RPS6KC1: variants seen among roughly 807,000 people sequenced by gnomAD.
The protein encoded by RPS6KC1 is ribosomal protein S6 kinase C1.
RPS6KC1 carries 54 observed loss-of-function variants against 103.8 expected under a neutral mutation model. The ratio of observed to expected loss-of-function variants is 0.52; its 90% CI spans 0.42 to 0.65. RPS6KC1 has a LOEUF of 0.65. Ranked by LOEUF, RPS6KC1 falls within the 30% of genes least tolerant of loss-of-function variation. RPS6KC1 has a pLI of 0.00. For synonymous variants in RPS6KC1, 439 were observed against 438.7 expected (o/e 1.00, Z -0.01); for missense variants, 1,151 against 1,253.8 (o/e 0.92, Z 1.24).
At chr1:213,826,183 A>C in the RPS6KC1 span, among the ~76,000 whole-genome samples, 1 of 152,214 alleles carries the variant, frequency 6.6e-6, no homozygotes, top group African/African-American at 2.4e-5. Flanking sequence ...AAATCTAGAA[A>C]CTAATACAGG....
chr1:213,205,536 T>TATATATATA (rs1553378413), intron 8 of RPS6KC1: 3 of 82,320 alleles, frequency 3.6e-5, no homozygotes, highest in South Asian at 4.4e-4. Context: ...ACAAACTCAT[T>TATATATATA]TATATATATA....
chr1:213,660,754 C>T, the RPS6KC1 span, among the ~76,000 whole-genome samples: 259 of 149,208 alleles, frequency 1.7e-3, no homozygotes, highest in African/African-American at 6.0e-3. Context: ...AAACTGTGCC[C>T]AAAAATGGCA....
the RPS6KC1 span, among the ~76,000 whole-genome samples, chr1:213,282,145 C>CTGA: frequency 6.6e-6 from 1 of 152,218 alleles, no homozygotes; most frequent in Non-Finnish European, 1.5e-5. Context: ...TGTCATGTGG[C>CTGA]TGAGCCTACT....
chr1:213,363,672 T>C, the RPS6KC1 span, among the ~76,000 whole-genome samples: 4 of 102,748 alleles, frequency 3.9e-5, 1 homozygote, highest in African/African-American at 1.5e-4. Flanking sequence ...CTTTCTTTCT[T>C]TCTTTCTTTC....
the RPS6KC1 span, among the ~76,000 whole-genome samples, chr1:213,785,050 T>C: frequency 6.6e-6 from 1 of 152,220 alleles, no homozygotes; most frequent in African/African-American, 2.4e-5. Context: ...TGTGCCTTGC[T>C]CTGATGTGTC....
At chr1:213,062,054 CTTTT>C (rs566492564) in intron 1 of RPS6KC1, among the ~76,000 whole-genome samples, 34 of 151,090 alleles carry the variant, frequency 2.3e-4, no homozygotes, top group African/African-American at 7.3e-4. Context: ...CTTATTTTAT[CTTTT>C]TTTTTAACCT....
the RPS6KC1 span, among the ~76,000 whole-genome samples, chr1:213,721,998 C>A: frequency 6.6e-5 from 10 of 152,144 alleles, no homozygotes; most frequent in Admixed American, 5.9e-4. Flanking sequence ...AAGCTTCTCC[C>A]CTCCGTGCCC....
At chr1:213,498,921 A>G in the RPS6KC1 span, among the ~76,000 whole-genome samples, 2 of 151,564 alleles carry the variant, frequency 1.3e-5, no homozygotes, top group African/African-American at 4.9e-5. Flanking sequence ...CTGGGATTAT[A>G]GGCACCCACT....
the RPS6KC1 span, among the ~76,000 whole-genome samples, chr1:213,370,070 A>G: frequency 7.2e-5 from 11 of 152,146 alleles, no homozygotes; most frequent in Non-Finnish European, 1.2e-4. Context: ...AAGCAATTGC[A>G]ATGTAGGAAG....
chr1:213,492,549 A>G, the RPS6KC1 span: 2 of 152,136 alleles, frequency 1.3e-5, no homozygotes, highest in African/African-American at 4.8e-5. Flanking sequence ...AGGATTCTCC[A>G]CCTCCTTTTC....
intron 3 of RPS6KC1, among the ~76,000 whole-genome samples, chr1:213,082,521 T>C (rs1572408310): frequency 6.6e-6 from 1 of 152,262 alleles, no homozygotes; most frequent in East Asian, 1.9e-4. Context: ...AGAAGTTAGG[T>C]AAGTGTTACT....
chr1:213,748,766 C>A, the RPS6KC1 span, among the ~76,000 whole-genome samples: 1 of 152,190 alleles, frequency 6.6e-6, no homozygotes, highest in Non-Finnish European at 1.5e-5. Context: ...CTGTTCTAGC[C>A]AAGAGGAGAG....
chr1:213,067,776 T>A (rs1249752687), intron 1 of RPS6KC1, among the ~76,000 whole-genome samples: 1 of 152,210 alleles, frequency 6.6e-6, no homozygotes, highest in East Asian at 1.9e-4. Flanking sequence ...AGAGGACGGC[T>A]GAGAAATAAT....
At chr1:213,244,194 C>T (rs1459480068) in intron 12 of RPS6KC1, among the ~76,000 whole-genome samples, 3 of 149,006 alleles carry the variant, frequency 2.0e-5, no homozygotes, top group African/African-American at 7.4e-5. Context: ...TACAGTTACT[C>T]GATTAAAAAA....
At chr1:213,712,392 C>A in the RPS6KC1 span, among the ~76,000 whole-genome samples, 1 of 152,228 alleles carries the variant, frequency 6.6e-6, no homozygotes, top group Non-Finnish European at 1.5e-5. Flanking sequence ...CCCAGGTCAA[C>A]TTCAGACTGC....
the RPS6KC1 span, among the ~76,000 whole-genome samples, chr1:213,389,469 C>T: frequency 9.2e-5 from 14 of 152,306 alleles, no homozygotes; most frequent in African/African-American, 3.1e-4. Flanking sequence ...GATTTATCAG[C>T]GCAGCCATGC....
chr1:213,861,225 C>T, the RPS6KC1 span, among the ~76,000 whole-genome samples: 2 of 152,096 alleles, frequency 1.3e-5, no homozygotes, highest in African/African-American at 2.4e-5. Flanking sequence ...TCAGAGTGGG[C>T]CTTAAATCTG....
the RPS6KC1 span, among the ~76,000 whole-genome samples, chr1:213,344,217 A>T: frequency 6.6e-6 from 1 of 152,248 alleles, no homozygotes; most frequent in Non-Finnish European, 1.5e-5. Context: ...AGACCTAAAA[A>T]AAATCAGTAC....
chr1:213,736,191 G>T, the RPS6KC1 span, among the ~76,000 whole-genome samples: 5 of 152,146 alleles, frequency 3.3e-5, no homozygotes, highest in African/African-American at 1.2e-4. Flanking sequence ...AAAACAACAC[G>T]CATTTATTAT....
Sources: allele counts gnomAD v4.1 joint callset (sites outside exome capture counted in the v4.1 genomes callset), GRCh38; gene constraint gnomAD v4.1.1; transcripts MANE v1.5; gene names NCBI Gene and HGNC (gene_info 2026-07-23, HGNC 2026-07-21).